The following NEK11 variants were observed in gnomAD, a reference collection of about 807,000 sequenced individuals.
NEK11 encodes serine/threonine-protein kinase Nek11.
NEK11 carries 72 observed loss-of-function variants against 80.7 expected under a neutral mutation model. The observed-to-expected ratio is 0.89, with a 90% CI of 0.74 to 1.08. NEK11 has a LOEUF of 1.08. Ranked by LOEUF, NEK11 falls within the 50% of genes least tolerant of loss-of-function variation. The pLI is 0.00. For synonymous variants in NEK11, 251 were observed against 260.7 expected (o/e 0.96, Z 0.36); for missense variants, 764 against 763.6 (o/e 1.00, Z -0.01).
intron 17 of NEK11, among the ~76,000 whole-genome samples, chr3:131,311,140 A>G (rs538433818): frequency 4.7e-4 from 71 of 152,204 alleles, no homozygotes; most frequent in Middle Eastern, 3.4e-3. Context: ...CCGATGCATA[A>G]TATTTATACA....
chr3:131,176,641 A>G (rs1051094901), intron 14 of NEK11, among the ~76,000 whole-genome samples: 12 of 152,190 alleles, frequency 7.9e-5, no homozygotes, highest in Admixed American at 7.9e-4. Context: ...AATTTCAAAG[A>G]TTATATCCAA....
rs2094809774 is a variant in NEK11 at position 131,215,652 on chromosome 3, G to A, written c.1400-12876G>A. 2.0e-5 allele frequency among the ~76,000 whole-genome samples: 3 copies of A among 152,186 alleles called. No individual in the cohort carries two copies. In the South Asian group the frequency reaches 6.2e-4, roughly 31 times the overall value. Reference sequence around the variant, plus strand: ...TTGATATGGCACTCAGTTACATGAAGAGGCTTAGGGCTGGGGTGCGATGGA... The same window carrying A: ...TTGATATGGCACTCAGTTACATGAAAAGGCTTAGGGCTGGGGTGCGATGGA... On this transcript the variant is annotated intron_variant, in intron 14 of 17. Transcript: ENST00000383366.
At chr3:131,148,279 G>A (rs895088116) in intron 7 of NEK11, among the ~76,000 whole-genome samples, 26 of 151,860 alleles carry the variant, frequency 1.7e-4, no homozygotes, top group African/African-American at 6.3e-4. Flanking sequence ...ATATGTGTGT[G>A]TAAATTTGGG....
At chr3:131,347,648 G>A (rs1005158746) in intron 17 of NEK11, among the ~76,000 whole-genome samples, 12 of 152,252 alleles carry the variant, frequency 7.9e-5, no homozygotes, top group South Asian at 6.2e-4. Context: ...GGCCGGACAC[G>A]GTGGCTCACA....
At chr3:131,049,093 T>C (rs573633701) in intron 3 of NEK11, among the ~76,000 whole-genome samples, 24 of 152,332 alleles carry the variant, frequency 1.6e-4, no homozygotes, top group South Asian at 1.4e-3. Flanking sequence ...ATAACAATGA[T>C]TGCTTTTTGG....
intron 16 of NEK11, among the ~76,000 whole-genome samples, chr3:131,254,492 G>A (rs1276585069): frequency 1.3e-5 from 2 of 152,146 alleles, no homozygotes; most frequent in African/African-American, 4.8e-5. Context: ...AGAGATTAAG[G>A]AATTATTACC....
chr3:131,302,056 G>C (rs2096666858), intron 17 of NEK11, among the ~76,000 whole-genome samples: 1 of 151,990 alleles, frequency 6.6e-6, no homozygotes, highest in Admixed American at 6.6e-5. Context: ...CTGTTTTCAA[G>C]AGTTCATTTT....
intron 17 of NEK11, among the ~76,000 whole-genome samples, chr3:131,320,922 A>G (rs2096891139): frequency 6.6e-6 from 1 of 152,142 alleles, no homozygotes; most frequent in Non-Finnish European, 1.5e-5. Context: ...TGGCAATACT[A>G]CCCAAAGCAA....
chr3:131,265,730 T>C (rs1227074151), intron 16 of NEK11, among the ~76,000 whole-genome samples: 1 of 152,150 alleles, frequency 6.6e-6, no homozygotes, highest in South Asian at 2.1e-4. Flanking sequence ...GCTGGCCTCA[T>C]AAAAAGTCAG....
chr3:131,158,944 ACCTTGAGGAG>A (rs2091149499), intron 10 of NEK11, among the ~76,000 whole-genome samples: 1 of 152,152 alleles, frequency 6.6e-6, no homozygotes, highest in South Asian at 2.1e-4. Context: ...TGAGTTGACG[ACCTTGAGGAG>A]CCAGAGAGCA....
At chr3:131,165,564 C>A in intron 12 of NEK11, 45 bp downstream of exon 12, 1 of 1,266,082 alleles carries the variant, frequency 7.9e-7, no homozygotes, top group Non-Finnish European at 1.1e-6. Flanking sequence ...ATTTTTCTTG[C>A]TTTAGATTCA....
At chr3:131,290,507 A>T (rs1305645937) in intron 17 of NEK11, among the ~76,000 whole-genome samples, 1 of 152,224 alleles carries the variant, frequency 6.6e-6, no homozygotes, top group African/African-American at 2.4e-5. Flanking sequence ...AATGCAGCTT[A>T]CATAAGCCCA....
chr3:131,255,073 A>AC (rs1239241432), intron 16 of NEK11, among the ~76,000 whole-genome samples: 45 of 124,526 alleles, frequency 3.6e-4, no homozygotes, highest in African/African-American at 1.1e-3. Flanking sequence ...AGACAGACAG[A>AC]AAGAAGGAAA....
At chr3:131,217,153 G>A (rs1169491366) in intron 14 of NEK11, among the ~76,000 whole-genome samples, 1 of 152,152 alleles carries the variant, frequency 6.6e-6, no homozygotes, top group Non-Finnish European at 1.5e-5. Context: ...CTATTTCATG[G>A]TTCACAGTGG....
intron 16 of NEK11, among the ~76,000 whole-genome samples, chr3:131,265,037 A>G (rs1174184026): frequency 1.3e-5 from 2 of 152,162 alleles, no homozygotes; most frequent in African/African-American, 4.8e-5. Flanking sequence ...GTATATAGGA[A>G]TGCTTGTGAT....
intron 14 of NEK11, chr3:131,175,093 T>C: frequency 5.4e-6 from 6 of 1,104,600 alleles, no homozygotes; most frequent in Non-Finnish European, 5.5e-6. Context: ...CTCTTCTTTT[T>C]AAATGTCCAA....
At chr3:131,294,687 A>G (rs2096575246) in intron 17 of NEK11, among the ~76,000 whole-genome samples, 1 of 152,000 alleles carries the variant, frequency 6.6e-6, no homozygotes. Context: ...TAGTGGATTT[A>G]TCTATTTTTC....
At chr3:131,319,764 C>T (rs1187906847) in intron 17 of NEK11, among the ~76,000 whole-genome samples, 1 of 152,116 alleles carries the variant, frequency 6.6e-6, no homozygotes, top group Non-Finnish European at 1.5e-5. Flanking sequence ...ATACATTCAT[C>T]CTGAATCTAT....
At chr3:131,257,433 G>A (rs1427843) in intron 16 of NEK11, among the ~76,000 whole-genome samples, 2,779 of 152,132 alleles carry the variant, frequency 0.018, 39 homozygotes, top group East Asian at 0.083. Flanking sequence ...CCCTTACAAG[G>A]GAAATGAGAA....
Sources: allele counts gnomAD v4.1 joint callset (sites outside exome capture counted in the v4.1 genomes callset), GRCh38; gene constraint gnomAD v4.1.1; transcripts MANE v1.5; gene names NCBI Gene and HGNC (gene_info 2026-07-23, HGNC 2026-07-21).